The following MYO5A variants were observed in gnomAD, a reference collection of about 807,000 sequenced individuals.
The protein encoded by MYO5A is unconventional myosin-Va.
MYO5A carries 98 observed loss-of-function variants against 249.7 expected under a neutral mutation model. The ratio of observed to expected loss-of-function variants is 0.39; its 90% CI spans 0.33 to 0.46. The LOEUF is 0.46. MYO5A is among the 20% of genes least tolerant of loss of function. The pLI is 0.98. For missense variants in MYO5A, 1,696 were observed against 2,308.8 expected, an observed-to-expected ratio of 0.73 and a Z score of 5.44; for synonymous variants, 778 against 810.6, an observed-to-expected ratio of 0.96 and a Z score of 0.68.
At chr15:52,504,313 G>T (rs928037958) in intron 1 of MYO5A, among the ~76,000 whole-genome samples, 1 of 152,068 alleles carries the variant, frequency 6.6e-6, no homozygotes, top group Non-Finnish European at 1.5e-5. Context: ...GCCTGGGGAA[G>T]ATAACACTTT....
chr15:52,447,147 T>C (rs909704512), intron 1 of MYO5A, among the ~76,000 whole-genome samples: 6 of 152,168 alleles, frequency 3.9e-5, no homozygotes, highest in Non-Finnish European at 8.8e-5. Context: ...TTATCTTAAA[T>C]TATAATCCCT....
At chr15:52,369,446 T>C (rs1444264411) in intron 22 of MYO5A, among the ~76,000 whole-genome samples, 2 of 152,230 alleles carry the variant, frequency 1.3e-5, no homozygotes, top group East Asian at 1.9e-4. Flanking sequence ...ACAATCTTAA[T>C]GTCTTCTATA....
intron 1 of MYO5A, among the ~76,000 whole-genome samples, chr15:52,439,137 G>T (rs1273492303): frequency 6.6e-6 from 1 of 152,226 alleles, no homozygotes; most frequent in Non-Finnish European, 1.5e-5. Context: ...CCATTCCTTG[G>T]AATCCGTGAG....
chr15:52,387,721 T>C, intron 14 of MYO5A, 108 bp downstream of exon 14: 1 of 844,480 alleles, frequency 1.2e-6, no homozygotes, highest in East Asian at 2.5e-5. Context: ...GTTATATATT[T>C]GGTAAATTAA....
At chr15:52,431,725 C>T (rs1178079693) in intron 2 of MYO5A, among the ~76,000 whole-genome samples, 1 of 151,698 alleles carries the variant, frequency 6.6e-6, no homozygotes, top group Non-Finnish European at 1.5e-5. Flanking sequence ...GTGGCTCATG[C>T]CTATAATCCC....
rs2040710812 is a variant in MYO5A, at chr15:52,364,498, C to T, written c.3309+56G>A. The T allele has an allele frequency of 7.9e-6, 12 of 1,520,762 alleles. No homozygotes were observed. The South Asian group carries it at 1.4e-4, about 18-fold the overall frequency. 94.2% of individuals were successfully genotyped at this position (1,520,762 alleles called of 1,614,324 possible). A position where few individuals can be genotyped will look rare whatever the true frequency, so the allele number is the denominator to read the frequency against. On this transcript the variant is annotated intron_variant, in intron 24 of 41. Coordinates refer to ENST00000399233, the MANE Select transcript of MYO5A (RefSeq NM_001382347.1). ...GAGGTTCATTCTACTATTCTATTTA[C>T]TTTTGTATATGTTTAAAATTTTTCA...
intron 16 of MYO5A, 133 bp from the exon 17 acceptor site, chr15:52,380,041 C>G: frequency 1.2e-6 from 1 of 868,678 alleles, no homozygotes; most frequent in Admixed American, 2.0e-5. Flanking sequence ...TTTCAGAAGT[C>G]GGAGCAGTGA....
At chr15:52,397,938 G>A (rs1366091231) in intron 9 of MYO5A, among the ~76,000 whole-genome samples, 1 of 152,194 alleles carries the variant, frequency 6.6e-6, no homozygotes, top group Non-Finnish European at 1.5e-5. Context: ...GAGTCCATGT[G>A]AGAGGAATAT....
intron 3 of MYO5A, among the ~76,000 whole-genome samples, chr15:52,427,572 A>G (rs1236651314): frequency 1.3e-5 from 2 of 152,210 alleles, no homozygotes; most frequent in Non-Finnish European, 2.9e-5. Context: ...CCAGAAAGGA[A>G]AAGTTAGTAT....
intron 29 of MYO5A, among the ~76,000 whole-genome samples, chr15:52,347,965 A>G (rs1334256589): frequency 6.6e-6 from 1 of 152,226 alleles, no homozygotes; most frequent in African/African-American, 2.4e-5. Flanking sequence ...TTTACATCAA[A>G]TAATGCTATC....
intron 11 of MYO5A, among the ~76,000 whole-genome samples, chr15:52,393,497 G>A (rs973434151): frequency 1.3e-5 from 2 of 151,966 alleles, no homozygotes; most frequent in South Asian, 2.1e-4. Context: ...GGGTTCAAGC[G>A]ATTCTCCTGA....
intron 32 of MYO5A, among the ~76,000 whole-genome samples, chr15:52,338,719 T>C (rs1157216946): frequency 6.6e-6 from 1 of 152,208 alleles, no homozygotes; most frequent in African/African-American, 2.4e-5. Flanking sequence ...GCTTAGTCTA[T>C]TTTTTGTATT....
chr15:52,510,097 A>G (rs1201934297), intron 1 of MYO5A, among the ~76,000 whole-genome samples: 1 of 104,572 alleles, frequency 9.6e-6, no homozygotes. Flanking sequence ...TAAGCGGACT[A>G]AAATGAAAAC....
intron 40 of MYO5A, among the ~76,000 whole-genome samples, chr15:52,316,802 T>C (rs1299661079): frequency 2.0e-5 from 3 of 152,218 alleles, no homozygotes; most frequent in Non-Finnish European, 2.9e-5. Flanking sequence ...CAATGTTATA[T>C]AGAACACTGT....
chr15:52,511,713 T>C (rs1012766276), intron 1 of MYO5A, among the ~76,000 whole-genome samples: 1 of 152,212 alleles, frequency 6.6e-6, no homozygotes, highest in Non-Finnish European at 1.5e-5. Flanking sequence ...TCTTAACCTA[T>C]CTACCTCTGT....
intron 36 of MYO5A, among the ~76,000 whole-genome samples, chr15:52,325,446 G>C (rs942225568): frequency 1.4e-5 from 2 of 148,052 alleles, no homozygotes; most frequent in African/African-American, 5.1e-5. Context: ...CTCTTGCCCA[G>C]GCTGGAGTGC....
intron 12 of MYO5A, among the ~76,000 whole-genome samples, chr15:52,390,856 G>C (rs1006537347): frequency 6.6e-6 from 1 of 151,850 alleles, no homozygotes; most frequent in Non-Finnish European, 1.5e-5. Context: ...CATCATGCCC[G>C]GCCTTCTTTA....
intron 40 of MYO5A, among the ~76,000 whole-genome samples, chr15:52,315,337 T>C (rs981994274): frequency 6.6e-6 from 1 of 152,162 alleles, no homozygotes; most frequent in African/African-American, 2.4e-5. Context: ...TAAGAAGTTA[T>C]GCAAACATGA....
intron 1 of MYO5A, among the ~76,000 whole-genome samples, chr15:52,482,026 C>T (rs1455830788): frequency 6.6e-6 from 1 of 152,130 alleles, no homozygotes; most frequent in African/African-American, 2.4e-5. Context: ...AGCATGATAA[C>T]TGGAGACTCA....
Sources: allele counts gnomAD v4.1 joint callset (sites outside exome capture counted in the v4.1 genomes callset), GRCh38; gene constraint gnomAD v4.1.1; transcripts MANE v1.5; gene names NCBI Gene and HGNC (gene_info 2026-07-23, HGNC 2026-07-21).